Variants in RARS2 observed in about 807,000 individuals in gnomAD.
RARS2 encodes probable arginine--tRNA ligase, mitochondrial.
A neutral mutation model predicts 88.5 loss-of-function variants in RARS2; 67 were observed. The ratio of observed to expected loss-of-function variants is 0.76; its 90% CI spans 0.62 to 0.93. RARS2 has a LOEUF of 0.93. Ranked by LOEUF, RARS2 falls within the 40% of genes least tolerant of loss-of-function variation. RARS2 has a pLI of 0.00. For missense variants in RARS2, 664 were observed against 684.2 expected, an observed-to-expected ratio of 0.97 and a Z score of 0.33; for synonymous variants, 239 against 230.3, an observed-to-expected ratio of 1.04 and a Z score of -0.34.
intron 17 of RARS2, among the ~76,000 whole-genome samples, chr6:87,517,413 A>G (rs995510347): frequency 1.3e-5 from 2 of 152,264 alleles, no homozygotes; most frequent in African/African-American, 4.8e-5. Flanking sequence ...CCTAGTCCAC[A>G]GCAAAAACTT....
chr6:87,584,800 T>C (rs947633085), intron 1 of RARS2: 2 of 445,490 alleles, frequency 4.5e-6, no homozygotes, highest in Non-Finnish European at 9.0e-6. Flanking sequence ...CTTGTGCAGT[T>C]ATCTACCCCA....
At chr6:87,575,272 CACACA>C (rs1562252065) in intron 1 of RARS2, among the ~76,000 whole-genome samples, 12 of 142,410 alleles carry the variant, frequency 8.4e-5, no homozygotes, top group South Asian at 2.2e-4. Context: ...CACACACACA[CACACA>C]CCTTGGCTTC....
intron 8 of RARS2, among the ~76,000 whole-genome samples, chr6:87,539,250 G>A (rs1369213499): frequency 6.6e-6 from 1 of 152,098 alleles, no homozygotes; most frequent in East Asian, 1.9e-4. Context: ...GCAACATGGG[G>A]TGTCTCTGTG....
In RARS2 at chr6:87,550,063, A is replaced by G. The variant is rs530347347; in HGVS notation, c.396-1417T>C. 2.0e-5 allele frequency among the ~76,000 whole-genome samples: 3 copies of G among 152,350 alleles called. No individual in the cohort carries two copies. The East Asian group carries it at 5.8e-4, about 29-fold the overall frequency. On this transcript the variant is annotated intron_variant, in intron 5 of 19. Coordinates refer to ENST00000369536, the MANE Select transcript of RARS2 (RefSeq NM_020320.5). ...ACCCTTAAGGGTACTACGATTTAAAAACTTGATCCTATGGATATGTGTGCA... is the reference window on the plus strand; with the variant it reads ...ACCCTTAAGGGTACTACGATTTAAAGACTTGATCCTATGGATATGTGTGCA...
chr6:87,530,739 G>A, intron 9 of RARS2, 45 bp downstream of exon 9: 1 of 1,593,628 alleles, frequency 6.3e-7, no homozygotes, highest in South Asian at 1.1e-5. Context: ...ACAGCCGAGA[G>A]CTGCACTGCA....
At position 87,589,856 on chromosome 6, in the gene RARS2, A is replaced by G; in HGVS notation, c.36+66T>C. ...TCCAGCTGACTGAGGACTGGCCCGCAGCGGTGAAAGGCCTTTGGGGTCCCT... is the reference window on the plus strand; with the variant it reads ...TCCAGCTGACTGAGGACTGGCCCGCGGCGGTGAAAGGCCTTTGGGGTCCCT... On this transcript the variant is annotated intron_variant, in intron 1 of 19. Transcript: ENST00000369536. The G allele has an allele frequency of 1.2e-6, 2 of 1,613,884 alleles. 1 individual carries two copies. The highest frequency in any genetic ancestry group is 4.5e-5 in the East Asian group (2 of 44,870).
intron 2 of RARS2, among the ~76,000 whole-genome samples, chr6:87,567,577 T>C (rs1160182937): frequency 6.6e-6 from 1 of 152,014 alleles, no homozygotes; most frequent in Non-Finnish European, 1.5e-5. Flanking sequence ...TATTTCTTAA[T>C]TCTCCTGGCA....
At chr6:87,568,301 C>A (rs895639587) in intron 2 of RARS2, among the ~76,000 whole-genome samples, 1 of 152,138 alleles carries the variant, frequency 6.6e-6, no homozygotes, top group Non-Finnish European at 1.5e-5. Flanking sequence ...AGTTCAAGAC[C>A]ACCCTGGGCA....
intron 8 of RARS2, among the ~76,000 whole-genome samples, chr6:87,541,553 G>T (rs1003733647): frequency 2.6e-5 from 4 of 152,064 alleles, no homozygotes; most frequent in Non-Finnish European, 4.4e-5. Context: ...GCTGGGCGTG[G>T]TGACTCACGC....
At chr6:87,538,607 C>T (rs1469092376) in intron 8 of RARS2, among the ~76,000 whole-genome samples, 1 of 152,128 alleles carries the variant, frequency 6.6e-6, no homozygotes, top group Non-Finnish European at 1.5e-5. Context: ...AAACCTACAC[C>T]TATATATGGC....
chr6:87,547,936 G>A (rs1421178874), intron 6 of RARS2, among the ~76,000 whole-genome samples: 4 of 152,180 alleles, frequency 2.6e-5, no homozygotes, highest in Non-Finnish European at 4.4e-5. Flanking sequence ...CACTATGCCC[G>A]GCCAGAAATA....
Position 87,529,776 on chromosome 6 carries a change from C to T in RARS2, c.772-128G>A, listed in dbSNP as rs944890697. 5 of 704,810 alleles carry T rather than the reference C, an allele frequency of 7.1e-6. No individual in the cohort carries two copies. The African/African-American group carries it at 8.8e-5, about 12-fold the overall frequency. The allele number at this position is 704,810 out of a possible 1,614,324, so 43.7% of individuals were successfully genotyped here. A position where few individuals can be genotyped will look rare whatever the true frequency, so the allele number is the denominator to read the frequency against. Reference sequence around the variant, plus strand: ...AACACAATAAAAATTAAATCAAGGGCTGAGTGTGGTGGCTCATGCCCATAA... The same window carrying T: ...AACACAATAAAAATTAAATCAAGGGTTGAGTGTGGTGGCTCATGCCCATAA... On this transcript the variant is annotated intron_variant, in intron 9 of 19. Coordinates refer to ENST00000369536, the MANE Select transcript of RARS2 (RefSeq NM_020320.5).
intron 1 of RARS2, among the ~76,000 whole-genome samples, chr6:87,574,323 G>A (rs1438134680): frequency 6.6e-6 from 1 of 152,176 alleles, no homozygotes; most frequent in Non-Finnish European, 1.5e-5. Flanking sequence ...CAGAGTTGAG[G>A]AATAATGTGT....
At chr6:87,580,031 C>G (rs910494381) in intron 1 of RARS2, among the ~76,000 whole-genome samples, 2 of 152,002 alleles carry the variant, frequency 1.3e-5, no homozygotes, top group Non-Finnish European at 2.9e-5. Flanking sequence ...GAGCCACCGC[C>G]CCAGGCTTGG....
intron 12 of RARS2, among the ~76,000 whole-genome samples, chr6:87,521,145 AAAGTT>A (rs1773695481): frequency 6.6e-6 from 1 of 152,252 alleles, no homozygotes; most frequent in African/African-American, 2.4e-5. Context: ...ACTTCAAAAT[AAAGTT>A]ATTTAAAAAC....
chr6:87,546,149 A>C (rs1349323136), intron 6 of RARS2, among the ~76,000 whole-genome samples: 2 of 152,166 alleles, frequency 1.3e-5, no homozygotes, highest in African/African-American at 4.8e-5. Flanking sequence ...TACCCTCTGC[A>C]TGCCTGCTCC....
At chr6:87,518,058 T>G in intron 17 of RARS2, 111 bp downstream of exon 17, 7 of 1,601,858 alleles carry the variant, frequency 4.4e-6, no homozygotes, top group Non-Finnish European at 6.0e-6. Flanking sequence ...TTGGGAAAAG[T>G]CTAGAGGCAG....
At chr6:87,521,424 A>G (rs755940876) in intron 12 of RARS2, 40 bp downstream of exon 12, 1 of 1,460,554 alleles carries the variant, frequency 6.8e-7, no homozygotes, top group South Asian at 1.1e-5. Flanking sequence ...TGTAGTTTTC[A>G]TGAGTTAAGA....
intron 14 of RARS2, chr6:87,519,344 G>C (rs1773051352): frequency 2.2e-6 from 1 of 462,670 alleles, no homozygotes; most frequent in Admixed American, 3.4e-5. Flanking sequence ...CAGAATGTCA[G>C]TGCTCAAGCT....
Sources: allele counts gnomAD v4.1 joint callset (sites outside exome capture counted in the v4.1 genomes callset), GRCh38; gene constraint gnomAD v4.1.1; transcripts MANE v1.5; gene names NCBI Gene and HGNC (gene_info 2026-07-23, HGNC 2026-07-21).